Variants in CNOT6L observed in about 807,000 individuals in gnomAD.
CNOT6L encodes CCR4-NOT transcription complex subunit 6-like.
CNOT6L carries 7 observed loss-of-function variants against 64.0 expected under a neutral mutation model. The observed-to-expected ratio is 0.11, with a 90% CI of 0.06 to 0.21. The LOEUF (loss-of-function observed/expected upper bound fraction) is 0.21. Among genes scored for constraint, CNOT6L ranks in the 10% least tolerant of loss-of-function variants. The pLI is 1.00. For missense variants in CNOT6L, 245 were observed against 669.0 expected (o/e 0.37, Z 6.99); for synonymous variants, 193 against 243.4 (o/e 0.79, Z 1.93).
chr4:77,774,388 C>T (rs1727933217), intron 3 of CNOT6L, 142 bp downstream of exon 3: 2 of 606,702 alleles, frequency 3.3e-6, no homozygotes, highest in Admixed American at 7.4e-5. Flanking sequence ...TCAACGGAGG[C>T]CAACTCAAGC....
intron 11 of CNOT6L, among the ~76,000 whole-genome samples, chr4:77,721,301 A>ACAT (rs1210652434): frequency 1.3e-5 from 2 of 152,212 alleles, no homozygotes; most frequent in Non-Finnish European, 2.9e-5. Context: ...AGGAAGCCAT[A>ACAT]CATAGCAGTT....
intron 3 of CNOT6L, among the ~76,000 whole-genome samples, chr4:77,773,686 T>C: frequency 6.7e-6 from 1 of 149,172 alleles, no homozygotes; most frequent in African/African-American, 2.5e-5. Context: ...TTAATAAAAA[T>C]AAAAAGAATA....
upstream of CNOT6L, among the ~76,000 whole-genome samples, chr4:77,819,954 C>A (rs1734102782): frequency 1.3e-5 from 2 of 151,878 alleles, no homozygotes; most frequent in Non-Finnish European, 1.5e-5. Flanking sequence ...AAGGCCCCAG[C>A]CGAAGGAAGC....
intron 1 of CNOT6L, among the ~76,000 whole-genome samples, chr4:77,812,532 C>T (rs1317131532): frequency 6.6e-6 from 1 of 150,540 alleles, no homozygotes; most frequent in Non-Finnish European, 1.5e-5. Context: ...TATTTTTATG[C>T]ACTTGTCATG....
chr4:77,746,526 T>G (rs989196004), intron 6 of CNOT6L, among the ~76,000 whole-genome samples: 1 of 152,150 alleles, frequency 6.6e-6, no homozygotes, highest in Non-Finnish European at 1.5e-5. Flanking sequence ...ACAAGAAAAG[T>G]CCACACTAGT....
chr4:77,774,953 T>A (rs563444267), intron 2 of CNOT6L, among the ~76,000 whole-genome samples: 3 of 152,330 alleles, frequency 2.0e-5, no homozygotes, highest in Admixed American at 2.0e-4. Flanking sequence ...ATGTATTAAA[T>A]GAGAAGTGGC....
chr4:77,808,814 C>T (rs1007494884), intron 1 of CNOT6L, among the ~76,000 whole-genome samples: 2 of 152,158 alleles, frequency 1.3e-5, no homozygotes, highest in African/African-American at 4.8e-5. Context: ...TGTCATAGCA[C>T]TTAATGTTAG....
At chr4:77,819,023 T>A in intron 1 of CNOT6L, 1 of 638,242 alleles carries the variant, frequency 1.6e-6, no homozygotes, top group Non-Finnish European at 2.8e-6. Context: ...CACGCCACTC[T>A]GGGGTCCCGG....
chr4:77,800,261 G>A (rs1384390449), intron 1 of CNOT6L, among the ~76,000 whole-genome samples: 2 of 151,952 alleles, frequency 1.3e-5, no homozygotes, highest in South Asian at 2.1e-4. Context: ...CAGCACTTTC[G>A]GAGGCCAAGG....
At chr4:77,793,293 G>T (rs1380312830) in intron 1 of CNOT6L, among the ~76,000 whole-genome samples, 1 of 152,108 alleles carries the variant, frequency 6.6e-6, no homozygotes, top group Non-Finnish European at 1.5e-5. Flanking sequence ...TCCACCAAAG[G>T]CTGAGCATCC....
intron 1 of CNOT6L, among the ~76,000 whole-genome samples, chr4:77,777,252 T>G (rs1030901363): frequency 6.6e-6 from 1 of 152,208 alleles, no homozygotes. Context: ...AGAGTCCAAT[T>G]TGGATGAGTT....
intron 1 of CNOT6L, among the ~76,000 whole-genome samples, chr4:77,807,846 G>A (rs1232294924): frequency 6.6e-6 from 1 of 152,152 alleles, no homozygotes; most frequent in African/African-American, 2.4e-5. Flanking sequence ...TCACTTACTT[G>A]ACCTTCATCA....
chr4:77,789,934 A>G (rs13133475), intron 1 of CNOT6L, among the ~76,000 whole-genome samples: 2,834 of 148,004 alleles, frequency 0.019, 38 homozygotes, highest in South Asian at 0.048. Context: ...CGACAAAGCA[A>G]GACACTGTCT....
chr4:77,791,803 GA>G (rs1730179501), intron 1 of CNOT6L, among the ~76,000 whole-genome samples: 1 of 151,858 alleles, frequency 6.6e-6, no homozygotes, highest in Non-Finnish European at 1.5e-5. Flanking sequence ...TTGGTATTGT[GA>G]AAAATATTCC....
intron 1 of CNOT6L, among the ~76,000 whole-genome samples, chr4:77,810,784 C>T (rs1732843939): frequency 6.6e-6 from 1 of 152,136 alleles, no homozygotes; most frequent in African/African-American, 2.4e-5. Flanking sequence ...AATCTCTCTC[C>T]CTAGCCCTCT....
At chr4:77,817,369 T>G (rs1733696350) in intron 1 of CNOT6L, among the ~76,000 whole-genome samples, 1 of 152,196 alleles carries the variant, frequency 6.6e-6, no homozygotes, top group Non-Finnish European at 1.5e-5. Context: ...CCATTGTCTT[T>G]TTTACGTTAT....
intron 2 of CNOT6L, among the ~76,000 whole-genome samples, chr4:77,775,719 A>G (rs1728070829): frequency 2.6e-5 from 4 of 152,150 alleles, no homozygotes; most frequent in Non-Finnish European, 1.5e-5. Flanking sequence ...TTTGTTTTAC[A>G]TGACCATGAC....
intron 8 of CNOT6L, among the ~76,000 whole-genome samples, chr4:77,734,440 T>C (rs1382842065): frequency 1.3e-5 from 2 of 152,196 alleles, no homozygotes; most frequent in Non-Finnish European, 2.9e-5. Flanking sequence ...CAAATCAATT[T>C]TGATGACTGG....
Position 77,735,388 on chromosome 4 carries a change from C to G in CNOT6L, c.873-3850G>C, listed in dbSNP as rs112259908. Among the ~76,000 whole-genome samples, 153 of 152,252 alleles carry G rather than the reference C, an allele frequency of 1.0e-3. 1 individual carries two copies. Among genetic ancestry groups the G allele is most frequent in the African/African-American group, 3.2e-3 (132 of 41,550 alleles). On this transcript the variant is annotated intron_variant, in intron 8 of 11. Coordinates refer to ENST00000504123, the MANE Select transcript of CNOT6L (RefSeq NM_144571.3). ...ACTGCCATTACAAAGATGAAGAAAA[C>G]TGAGGCTGGGCAAGTCTGTCTTTTT...
Sources: gnomAD v4.1 joint callset for allele counts (sites outside exome capture counted in the v4.1 genomes callset) on GRCh38, gnomAD v4.1.1 for gene constraint, MANE v1.5 for transcripts, NCBI Gene and HGNC (gene_info 2026-07-23, HGNC 2026-07-21) for gene names.